STARD13: variants seen among roughly 807,000 people sequenced by gnomAD.
The protein encoded by STARD13 is stAR-related lipid transfer protein 13.
In STARD13, 62 loss-of-function variants were observed where a neutral mutation model predicts 106.4. The ratio of observed to expected loss-of-function variants is 0.58; its 90% CI spans 0.48 to 0.72. The LOEUF (loss-of-function observed/expected upper bound fraction) is 0.72, where lower values mean the gene tolerates loss of function less well. Ranked by LOEUF, STARD13 falls within the 30% of genes least tolerant of loss-of-function variation. The probability of loss-of-function intolerance (pLI) is 0.00; values close to 1 mark genes in which losing one functional copy is unlikely to be tolerated. For synonymous variants in STARD13, 565 were observed against 553.0 expected (o/e 1.02, Z -0.31); for missense variants, 1,387 against 1,424.0 (o/e 0.97, Z 0.42).
At chr13:33,356,777 C>A in the STARD13 span, among the ~76,000 whole-genome samples, 1 of 152,154 alleles carries the variant, frequency 6.6e-6, no homozygotes, top group African/African-American at 2.4e-5. Flanking sequence ...TCCAGTCCAG[C>A]CAAATTCTGA....
At chr13:33,262,204 T>A (rs1021462223) in intron 1 of STARD13, among the ~76,000 whole-genome samples, 2 of 152,218 alleles carry the variant, frequency 1.3e-5, no homozygotes, top group African/African-American at 4.8e-5. Flanking sequence ...TGCACTGACA[T>A]GGAATTCAAA....
the STARD13 span, among the ~76,000 whole-genome samples, chr13:33,540,056 G>C: frequency 6.6e-6 from 1 of 152,210 alleles, no homozygotes; most frequent in African/African-American, 2.4e-5. Flanking sequence ...AAAATAGCAA[G>C]TGTTGGCATT....
intron 8 of STARD13, among the ~76,000 whole-genome samples, chr13:33,116,429 A>C (rs1875382170): frequency 6.6e-6 from 1 of 152,194 alleles, no homozygotes; most frequent in Non-Finnish European, 1.5e-5. Context: ...AAGATCCTTA[A>C]GATCAGAGAG....
rs765739009 is a variant in STARD13, at chr13:33,165,426, A to G, written c.242-8T>C. The G allele has an allele frequency of 6.2e-7, 1 of 1,604,212 alleles. No homozygotes were observed. The highest frequency in any genetic ancestry group is 1.1e-5 in the South Asian group (1 of 90,880). ...TGATGGGAAATTGTGAATCTGAGAG[A>G]GAAAGACAAAGAAGTTGATGTACTT... On this transcript the variant is annotated splice_polypyrimidine_tract_variant and splice_region_variant and intron_variant, in intron 2 of 13. Transcript: ENST00000336934.
the STARD13 span, among the ~76,000 whole-genome samples, chr13:33,652,186 A>G: frequency 6.6e-6 from 1 of 152,228 alleles, no homozygotes; most frequent in African/African-American, 2.4e-5. Flanking sequence ...AACTGAACTG[A>G]CCAAAATGCC....
the STARD13 span, among the ~76,000 whole-genome samples, chr13:33,585,831 G>C: frequency 1.3e-5 from 2 of 152,192 alleles, no homozygotes; most frequent in African/African-American, 2.4e-5. Context: ...TACATAGCCA[G>C]ATATAAAAGG....
intron 1 of STARD13, among the ~76,000 whole-genome samples, chr13:33,175,866 A>G (rs907566037): frequency 6.6e-6 from 1 of 152,216 alleles, no homozygotes; most frequent in African/African-American, 2.4e-5. Context: ...CTGAATGTCT[A>G]TGCTTGTAAG....
At chr13:33,536,575 G>T in the STARD13 span, among the ~76,000 whole-genome samples, 2 of 152,176 alleles carry the variant, frequency 1.3e-5, no homozygotes, top group African/African-American at 2.4e-5. Context: ...GGATGTATAT[G>T]AGAGGTGACA....
At chr13:33,599,700 A>G in the STARD13 span, among the ~76,000 whole-genome samples, 7 of 152,160 alleles carry the variant, frequency 4.6e-5, no homozygotes, top group Non-Finnish European at 8.8e-5. Context: ...AACTAGCGCT[A>G]TGAGAGAGAG....
In STARD13 at chr13:33,129,271, G is replaced by C; in HGVS notation, c.1406C>G (p.Ala469Gly). 6.2e-7 allele frequency: 1 copy of C among 1,614,110 alleles called. No individual in the cohort carries two copies. Among genetic ancestry groups the C allele is most frequent in the Non-Finnish European group, 8.5e-7 (1 of 1,180,020 alleles). Residue 469 changes from alanine to glycine, a missense_variant, in exon 5 of 14, where the codon GCC (alanine) becomes GGC (glycine). Physicochemically the swap from Ala to Gly is moderately conservative, Grantham distance 60 (BLOSUM62 0). Transcript: ENST00000336934. ...CAAGTCCAAAAGATCTCCTGTGCTG[G>C]CATACAGATGGGAGCCAGGGACATT... Reference protein sequence around the residue: ...YDNVPGSHLYASTGDLLDLEK... With the variant: ...YDNVPGSHLYGSTGDLLDLEK...
At chr13:33,284,758 A>T (rs1486474015) in intron 1 of STARD13, among the ~76,000 whole-genome samples, 1 of 151,246 alleles carries the variant, frequency 6.6e-6, no homozygotes, top group Non-Finnish European at 1.5e-5. Context: ...GGTAAATTTT[A>T]GTAATGTCCA....
chr13:33,493,813 C>T, the STARD13 span, among the ~76,000 whole-genome samples: 2 of 152,278 alleles, frequency 1.3e-5, no homozygotes, highest in East Asian at 1.9e-4. Flanking sequence ...TTCAGCCCCA[C>T]ACTTAAACTT....
chr13:33,148,192 G>T (rs1880806465), intron 3 of STARD13, among the ~76,000 whole-genome samples: 1 of 152,126 alleles, frequency 6.6e-6, no homozygotes, highest in South Asian at 2.1e-4. Flanking sequence ...CACAGGCCTG[G>T]TCCATGAAAG....
the STARD13 span, among the ~76,000 whole-genome samples, chr13:33,429,371 C>T: frequency 1.3e-5 from 2 of 151,990 alleles, no homozygotes; most frequent in African/African-American, 4.8e-5. Context: ...CCGAGGCGGG[C>T]GGATCACGAG....
At chr13:33,113,779 A>T (rs529085929) in intron 8 of STARD13, among the ~76,000 whole-genome samples, 25 of 152,180 alleles carry the variant, frequency 1.6e-4, no homozygotes, top group Non-Finnish European at 2.9e-4. Flanking sequence ...TTACCAGGGA[A>T]TTGGTTCCAA....
the STARD13 span, among the ~76,000 whole-genome samples, chr13:33,626,124 A>G: frequency 6.6e-6 from 1 of 152,206 alleles, no homozygotes; most frequent in East Asian, 1.9e-4. Context: ...CCATAGCTAC[A>G]TCAGAAACAC....
chr13:33,649,935 T>C, the STARD13 span, among the ~76,000 whole-genome samples: 1 of 152,146 alleles, frequency 6.6e-6, no homozygotes. Flanking sequence ...GGTTTTATTC[T>C]TAGTATTTGT....
chr13:33,361,647 C>T, the STARD13 span, among the ~76,000 whole-genome samples: 3 of 152,202 alleles, frequency 2.0e-5, no homozygotes, highest in African/African-American at 7.2e-5. Context: ...CCTCAGGGAA[C>T]TTACAATTAT....
At chr13:33,286,861 T>C (rs1395580113), upstream of STARD13, among the ~76,000 whole-genome samples, 2 of 152,062 alleles carry the variant, frequency 1.3e-5, no homozygotes, top group South Asian at 2.1e-4. Context: ...TGTATATATA[T>C]ACGTGTATAT....
Sources: gnomAD v4.1 joint callset for allele counts (sites outside exome capture counted in the v4.1 genomes callset) on GRCh38, gnomAD v4.1.1 for gene constraint, MANE v1.5 for transcripts, NCBI Gene and HGNC (gene_info 2026-07-23, HGNC 2026-07-21) for gene names.